SLC39A11: variants seen among roughly 807,000 people sequenced by gnomAD.
SLC39A11 encodes zinc transporter ZIP11.
Under a neutral mutation model 36.1 loss-of-function variants are expected in SLC39A11, and 33 were observed. The ratio of observed to expected loss-of-function variants is 0.91; its 90% CI spans 0.69 to 1.22. SLC39A11 has a LOEUF of 1.22. SLC39A11 is among the 50% of genes most tolerant of loss of function. The pLI, the probability that SLC39A11 is intolerant of heterozygous loss-of-function variation, is 0.00. For missense variants in SLC39A11, 432 were observed against 430.3 expected (o/e 1.00, Z -0.03); for synonymous variants, 166 against 170.3 (o/e 0.97, Z 0.20).
In SLC39A11 at chr17:73,091,650, G is replaced by A. The variant is rs1305318644; in HGVS notation, c.-12+961C>T. Among the ~76,000 whole-genome samples, 3 of 152,158 alleles carry A rather than the reference G, an allele frequency of 2.0e-5. No homozygotes were observed. In the East Asian group the frequency reaches 5.8e-4, roughly 29 times the overall value. ...AACAAGAAGTTTTCTCTAACCGGCA[G>A]ACCAGTAACAACTTTAGGACACAGC... On this transcript the variant is annotated intron_variant, in intron 1 of 9. Transcript: ENST00000255559.
rs186672129 is a variant in SLC39A11 at position 72,824,719 on chromosome 17, C to T, written c.601+24915G>A. On this transcript the variant is annotated intron_variant, in intron 6 of 9. Transcript: ENST00000255559. ...TGGGAACTGAAGTAAAGGTCACTTG[C>T]TATGCCTGAGCAAAGAGACTGCTGA... 3.3e-3 allele frequency among the ~76,000 whole-genome samples: 506 copies of T among 151,388 alleles called. 3 individuals carry two copies. Among genetic ancestry groups the T allele is most frequent in the African/African-American group, 0.01 (424 of 41,468 alleles).
At chr17:72,799,593 C>T (rs969453655) in intron 6 of SLC39A11, among the ~76,000 whole-genome samples, 1 of 151,994 alleles carries the variant, frequency 6.6e-6, no homozygotes, top group African/African-American at 2.4e-5. Flanking sequence ...TATAAATGGC[C>T]ACTCTGGGAG....
chr17:73,033,786 C>T (rs1050020438), intron 3 of SLC39A11, among the ~76,000 whole-genome samples: 3 of 152,216 alleles, frequency 2.0e-5, no homozygotes, highest in Non-Finnish European at 4.4e-5. Context: ...CATCACCCAT[C>T]TTCAAAATAA....
intron 7 of SLC39A11, among the ~76,000 whole-genome samples, chr17:72,710,863 G>A (rs1455425043): frequency 6.6e-6 from 1 of 152,152 alleles, no homozygotes; most frequent in Non-Finnish European, 1.5e-5. Context: ...TAGCATTGTT[G>A]AGCAAGTTTT....
chr17:72,997,951 A>G (rs1216119215), intron 4 of SLC39A11, among the ~76,000 whole-genome samples: 3 of 152,234 alleles, frequency 2.0e-5, no homozygotes, highest in African/African-American at 7.2e-5. Flanking sequence ...TGAAAAGGTA[A>G]AAGTTCTTGA....
At chr17:72,827,617 A>G (rs2078084347) in intron 6 of SLC39A11, among the ~76,000 whole-genome samples, 1 of 152,216 alleles carries the variant, frequency 6.6e-6, no homozygotes, top group Non-Finnish European at 1.5e-5. Context: ...GGCTTTGGGA[A>G]GGGACCAACA....
chr17:72,954,138 C>A (rs1375608139), intron 4 of SLC39A11, among the ~76,000 whole-genome samples: 1 of 152,116 alleles, frequency 6.6e-6, no homozygotes, highest in African/African-American at 2.4e-5. Context: ...CCTCTGCCTC[C>A]CTAATTAAAG....
At chr17:72,803,440 G>A (rs1002289534) in intron 6 of SLC39A11, among the ~76,000 whole-genome samples, 2 of 152,254 alleles carry the variant, frequency 1.3e-5, no homozygotes, top group Admixed American at 1.3e-4. Context: ...GCCACACGCA[G>A]GAGGTACAAA....
At chr17:72,941,261 A>C (rs1287020843) in intron 5 of SLC39A11, among the ~76,000 whole-genome samples, 1 of 152,226 alleles carries the variant, frequency 6.6e-6, no homozygotes, top group African/African-American at 2.4e-5. Context: ...TGACACAGTG[A>C]GACTCTGTCT....
At chr17:72,753,377 C>A (rs1364871615) in intron 6 of SLC39A11, among the ~76,000 whole-genome samples, 2 of 152,176 alleles carry the variant, frequency 1.3e-5, no homozygotes, top group East Asian at 3.9e-4. Flanking sequence ...CTTGGCCTTT[C>A]ATTCAGAATA....
chr17:72,740,220 G>A (rs555647042), intron 6 of SLC39A11, among the ~76,000 whole-genome samples: 165 of 151,768 alleles, frequency 1.1e-3, no homozygotes, highest in South Asian at 1.9e-3. Flanking sequence ...CCGCCACCAC[G>A]CCTGGCTAAT....
chr17:72,947,997 G>C (rs1283683796), intron 4 of SLC39A11, 122 bp from the exon 5 acceptor site: 7 of 1,289,286 alleles, frequency 5.4e-6, no homozygotes, highest in Non-Finnish European at 7.6e-6. Context: ...AGCTGAGCCA[G>C]TCCTCCGGCC....
intron 4 of SLC39A11, among the ~76,000 whole-genome samples, chr17:72,985,376 T>C (rs1264238842): frequency 1.3e-5 from 2 of 149,540 alleles, no homozygotes; most frequent in Non-Finnish European, 3.0e-5. Flanking sequence ...TTCATTTCCA[T>C]GCAAACCTTC....
chr17:73,017,841 G>T (rs1166448998), intron 4 of SLC39A11, among the ~76,000 whole-genome samples: 1 of 152,176 alleles, frequency 6.6e-6, no homozygotes, highest in Non-Finnish European at 1.5e-5. Flanking sequence ...TATGCAAAGG[G>T]ATATCCATGA....
At chr17:72,666,830 CTTG>C (rs2070776719) in intron 7 of SLC39A11, among the ~76,000 whole-genome samples, 2 of 152,194 alleles carry the variant, frequency 1.3e-5, no homozygotes, top group Admixed American at 6.5e-5. Flanking sequence ...AGTATGTAGT[CTTG>C]TTGTTTGACA....
intron 6 of SLC39A11, among the ~76,000 whole-genome samples, chr17:72,804,854 T>C (rs2077200483): frequency 6.6e-6 from 1 of 152,124 alleles, no homozygotes; most frequent in African/African-American, 2.4e-5. Flanking sequence ...ACCCCGTCTC[T>C]ACTAAAAATA....
At chr17:72,816,530 G>A (rs114779453) in intron 6 of SLC39A11, among the ~76,000 whole-genome samples, 2,602 of 152,240 alleles carry the variant, frequency 0.017, 85 homozygotes, top group African/African-American at 0.059. Flanking sequence ...ACACATTAAG[G>A]AAAGCAACAG....
intron 6 of SLC39A11, among the ~76,000 whole-genome samples, chr17:72,814,749 AC>A (rs948729021): frequency 6.6e-6 from 1 of 151,930 alleles, no homozygotes; most frequent in Non-Finnish European, 1.5e-5. Context: ...GGCTGGGGGG[AC>A]CCCAAGAGGT....
intron 7 of SLC39A11, among the ~76,000 whole-genome samples, chr17:72,658,804 G>A (rs956260355): frequency 9.9e-5 from 15 of 152,014 alleles, no homozygotes; most frequent in African/African-American, 3.4e-4. Context: ...CTCCCCCACC[G>A]ACAGGGCTCT....
Sources: allele counts gnomAD v4.1 joint callset (sites outside exome capture counted in the v4.1 genomes callset), GRCh38; gene constraint gnomAD v4.1.1; transcripts MANE v1.5; gene names NCBI Gene and HGNC (gene_info 2026-07-23, HGNC 2026-07-21).